SLC28A3: variants seen among roughly 807,000 people sequenced by gnomAD.
SLC28A3 encodes concentrative Na(+)-nucleoside cotransporter 3.
A neutral mutation model predicts 84.2 loss-of-function variants in SLC28A3; 68 were observed. The observed-to-expected ratio is 0.81, with a 90% CI of 0.66 to 0.99. The LOEUF is 0.99. Ranked by LOEUF, SLC28A3 falls within the 50% of genes least tolerant of loss-of-function variation. The pLI, the probability that SLC28A3 is intolerant of heterozygous loss-of-function variation, is 0.00. For synonymous variants in SLC28A3, 267 were observed against 303.6 expected (o/e 0.88, Z 1.25); for missense variants, 712 against 841.5 (o/e 0.85, Z 1.90).
rs756419432 is a variant in SLC28A3, at chr9:84,294,278, G to A, written c.862-3C>T. 2.5e-6 allele frequency: 4 copies of A among 1,614,102 alleles called. No individual in the cohort carries two copies. In the Admixed American group the frequency reaches 6.7e-5, roughly 27 times the overall value. ...AAGAAAACCACGATCGGCAGGACCT[G>A]TGGGGACAGAAACAAACATGGATTA... On this transcript the variant is annotated splice_polypyrimidine_tract_variant and splice_region_variant and intron_variant, in intron 8 of 17. Coordinates refer to ENST00000376238, the MANE Select transcript of SLC28A3 (RefSeq NM_001199633.2).
intron 12 of SLC28A3, 41 bp downstream of exon 12, chr9:84,288,007 G>A (rs761695517): frequency 7.8e-5 from 125 of 1,611,928 alleles, no homozygotes; most frequent in Middle Eastern, 5.0e-4. Flanking sequence ...CCCCCGCCCC[G>A]GCTTGGGTAG....
the SLC28A3 span, among the ~76,000 whole-genome samples, chr9:84,358,297 A>G: frequency 6.6e-6 from 1 of 152,128 alleles, no homozygotes; most frequent in African/African-American, 2.4e-5. Flanking sequence ...AAGTAGCTGG[A>G]CAAGATAGCC....
At chr9:84,298,671 C>A (rs1588581574) in intron 6 of SLC28A3, among the ~76,000 whole-genome samples, 1 of 152,166 alleles carries the variant, frequency 6.6e-6, no homozygotes, top group East Asian at 1.9e-4. Flanking sequence ...GCTGTAAGTA[C>A]TGGATACATG....
chr9:84,297,993 TC>T lies in SLC28A3; in HGVS notation c.695del (p.Gly232GlufsTer11). 6.2e-7 allele frequency: 1 copy of T among 1,612,390 alleles called. No individual in the cohort carries two copies. The highest frequency in any genetic ancestry group is 1.7e-4 in the Middle Eastern group (1 of 6,052). On this transcript the variant is annotated frameshift_variant, in exon 7 of 18. Coordinates refer to ENST00000376238, the MANE Select transcript of SLC28A3 (RefSeq NM_001199633.2). LOFTEE classifies it high-confidence loss of function. Reference protein sequence around the residue: ...TRVYWRPVLWGIGLQFLLGLL... With the variant: ...TRVYWRPVLWXIGLQFLLGLL... The stretch of plus-strand genomic sequence containing the variant: ...GCCCAAGAAGAAACTGTAGCCCGAT[TC>T]CCCATAAGACAGGTCTCCAGTAAAC...
intron 1 of SLC28A3, among the ~76,000 whole-genome samples, chr9:84,324,357 G>GT (rs1165931210): frequency 6.6e-6 from 1 of 152,124 alleles, no homozygotes; most frequent in African/African-American, 2.4e-5. Context: ...GAAAAATAAA[G>GT]TTTTTTGCTG....
chr9:84,365,917 G>A, the SLC28A3 span, among the ~76,000 whole-genome samples: 70 of 152,294 alleles, frequency 4.6e-4, no homozygotes, highest in Admixed American at 4.3e-3. Context: ...AGGCGTGGTG[G>A]CACATGCCTG....
At chr9:84,337,487 CGTGT>C (rs139490810) in intron 1 of SLC28A3, among the ~76,000 whole-genome samples, 1 of 151,730 alleles carries the variant, frequency 6.6e-6, no homozygotes, top group African/African-American at 2.4e-5. Flanking sequence ...TGTTTGCACA[CGTGT>C]GTGTGTGTAC....
rs748778247 is a variant in SLC28A3, at chr9:84,290,296, G to A, written c.1024-17C>T. ...AGACTCCGTCTGGAGACAAAGAAGG[G>A]TGACCAGATTCCTTTTTAAATCTGT... On this transcript the variant is annotated splice_polypyrimidine_tract_variant and intron_variant, in intron 10 of 17. Coordinates refer to ENST00000376238, the MANE Select transcript of SLC28A3 (RefSeq NM_001199633.2). The A allele has an allele frequency of 6.2e-6, 10 of 1,613,096 alleles. No individual in the cohort carries two copies. The highest frequency in any genetic ancestry group is 8.5e-6 in the Non-Finnish European group (10 of 1,179,380).
intron 8 of SLC28A3, among the ~76,000 whole-genome samples, chr9:84,297,012 T>A (rs561743328): frequency 6.6e-6 from 1 of 152,352 alleles, no homozygotes; most frequent in East Asian, 1.9e-4. Context: ...GATGTTTCCC[T>A]TAACTCCATA....
intron 14 of SLC28A3, among the ~76,000 whole-genome samples, chr9:84,283,575 C>G (rs1400207659): frequency 1.3e-5 from 2 of 152,260 alleles, no homozygotes; most frequent in African/African-American, 2.4e-5. Context: ...TTTCCTTTAT[C>G]TTTTTTTGGA....
At chr9:84,280,708 T>C (rs544111330) in intron 15 of SLC28A3, 93 bp downstream of exon 15, 76 of 1,270,116 alleles carry the variant, frequency 6.0e-5, no homozygotes, top group Non-Finnish European at 8.1e-5. Context: ...GCAAAGGCCT[T>C]TGTTTTTTCT....
At chr9:84,292,487 CTCTCTCTCTG>C in intron 10 of SLC28A3, 171 bp downstream of exon 10, 77 of 531,946 alleles carry the variant, frequency 1.4e-4, no homozygotes, top group South Asian at 6.2e-4. Context: ...CTCTCTCTCT[CTCTCTCTCTG>C]TCTCTCTCTC....
At chr9:84,331,624 C>A (rs117790760) in intron 1 of SLC28A3, among the ~76,000 whole-genome samples, 9 of 152,150 alleles carry the variant, frequency 5.9e-5, no homozygotes, top group Non-Finnish European at 1.3e-4. Context: ...CCAAGACTTT[C>A]GTAAGTGAGT....
At chr9:84,313,337 A>G in intron 2 of SLC28A3, 22 bp downstream of exon 2, 1 of 1,608,322 alleles carries the variant, frequency 6.2e-7, no homozygotes, top group East Asian at 2.2e-5. Context: ...TACTAGAGTC[A>G]TGCACCACAG....
chr9:84,328,799 G>A (rs1349168373), intron 1 of SLC28A3, among the ~76,000 whole-genome samples: 1 of 152,104 alleles, frequency 6.6e-6, no homozygotes, highest in East Asian at 1.9e-4. Flanking sequence ...ACAGTGACAG[G>A]TGCCTGTAGT....
intron 1 of SLC28A3, among the ~76,000 whole-genome samples, chr9:84,332,690 A>G (rs950783520): frequency 6.6e-6 from 1 of 152,186 alleles, no homozygotes; most frequent in African/African-American, 2.4e-5. Flanking sequence ...TATTTCTTTA[A>G]TAAAAACAAT....
chr9:84,301,987 G>A (rs748485722), intron 5 of SLC28A3, among the ~76,000 whole-genome samples: 1 of 152,188 alleles, frequency 6.6e-6, no homozygotes, highest in Non-Finnish European at 1.5e-5. Flanking sequence ...CAGTTTGTGA[G>A]GACATTTGGA....
chr9:84,353,907 C>G, the SLC28A3 span, among the ~76,000 whole-genome samples: 1 of 152,220 alleles, frequency 6.6e-6, no homozygotes, highest in Non-Finnish European at 1.5e-5. Flanking sequence ...CAAAACCAAT[C>G]ATTCCAGGTA....
the SLC28A3 span, among the ~76,000 whole-genome samples, chr9:84,352,162 G>A: frequency 1.7e-3 from 265 of 152,124 alleles, no homozygotes; most frequent in African/African-American, 6.1e-3. Context: ...TTCCCTCTAT[G>A]TGGTTAAGTA....
Sources: allele counts gnomAD v4.1 joint callset (sites outside exome capture counted in the v4.1 genomes callset), GRCh38; gene constraint gnomAD v4.1.1; transcripts MANE v1.5; gene names NCBI Gene and HGNC (gene_info 2026-07-23, HGNC 2026-07-21).